The following IL31RA variants were observed in gnomAD, a reference collection of about 807,000 sequenced individuals.
IL31RA encodes the protein interleukin 31 receptor A.
A neutral mutation model predicts 83.7 loss-of-function variants in IL31RA; 66 were observed. The ratio of observed to expected loss-of-function variants is 0.79; its 90% CI spans 0.65 to 0.97. The LOEUF (loss-of-function observed/expected upper bound fraction) is 0.97, where lower values mean the gene tolerates loss of function less well. IL31RA is among the 50% of genes least tolerant of loss of function. IL31RA has a pLI of 0.00. For synonymous variants in IL31RA, 325 were observed against 329.0 expected, an observed-to-expected ratio of 0.99 and a Z score of 0.13; for missense variants, 798 against 919.4, an observed-to-expected ratio of 0.87 and a Z score of 1.71.
At chr5:55,896,902 T>C (rs1371043098) in intron 7 of IL31RA, among the ~76,000 whole-genome samples, 1 of 86,152 alleles carries the variant, frequency 1.2e-5, no homozygotes, top group Non-Finnish European at 2.3e-5. Context: ...CTGCAGCCTT[T>C]AACTCCTGGG....
intron 6 of IL31RA, 42 bp downstream of exon 6, chr5:55,890,177 T>C (rs768994940): frequency 1.9e-6 from 3 of 1,600,662 alleles, no homozygotes; most frequent in Admixed American, 1.7e-5. Context: ...TGCTCTGGTG[T>C]AGGGCTGCTT....
chr5:55,863,417 C>A (rs6880634), intron 2 of IL31RA, among the ~76,000 whole-genome samples: 8,996 of 152,254 alleles, frequency 0.059, 570 homozygotes, highest in African/African-American at 0.16. Context: ...TAAGCAGGGG[C>A]TCAGGCTGGT....
Position 55,883,096 on chromosome 5 carries a change from A to C in IL31RA, c.507A>C (p.Lys169Asn). The stretch of plus-strand genomic sequence containing the variant: ...GTGTGAAACCAGTTTTGGGCATCAA[A>C]CGAATGATTCAAATTGAATGGATAA... ...IFRVKPVLGI[K>N]RMIQIEWIKP... is the part of the protein sequence containing the mutation. The change falls in exon 5 of 15, where the codon AAA (lysine) becomes AAC (asparagine). Residue 169 changes from lysine (K) to asparagine (N), a missense_variant. Physicochemically the swap from Lys to Asn is moderately conservative, Grantham distance 94. Coordinates refer to ENST00000652347, the MANE Select transcript of IL31RA (RefSeq NM_139017.7). 6.2e-7 allele frequency: 1 copy of C among 1,614,090 alleles called. No individual in the cohort carries two copies. The highest frequency in any genetic ancestry group is 8.5e-7 in the Non-Finnish European group (1 of 1,179,956).
At chr5:55,865,029 C>T (rs1046451062) in intron 2 of IL31RA, among the ~76,000 whole-genome samples, 1 of 152,188 alleles carries the variant, frequency 6.6e-6, no homozygotes, top group Non-Finnish European at 1.5e-5. Context: ...CCTTGGTTCA[C>T]CTCTTGTAGG....
the IL31RA span, among the ~76,000 whole-genome samples, chr5:55,840,744 T>C: frequency 6.6e-6 from 1 of 152,242 alleles, no homozygotes; most frequent in Non-Finnish European, 1.5e-5. Context: ...AGGATTCAGC[T>C]CAAATGTGTA....
At chr5:55,840,599 G>C in the IL31RA span, among the ~76,000 whole-genome samples, 3 of 152,192 alleles carry the variant, frequency 2.0e-5, no homozygotes. Flanking sequence ...GATGTAGTAG[G>C]CATTTTGAAG....
intron 7 of IL31RA, among the ~76,000 whole-genome samples, chr5:55,897,427 G>T (rs1183803550): frequency 6.6e-6 from 1 of 152,082 alleles, no homozygotes; most frequent in Non-Finnish European, 1.5e-5. Context: ...TGGAGGAAAC[G>T]ATCACTGACC....
Position 55,900,453 on chromosome 5 carries a change from C to T in IL31RA, c.1069+321C>T, listed in dbSNP as rs545463922. Among the ~76,000 whole-genome samples, 694 of 152,284 alleles carry T rather than the reference C, an allele frequency of 4.6e-3. 3 individuals are homozygous for T. The highest frequency in any genetic ancestry group is 0.016 in the African/African-American group (666 of 41,524). On this transcript the variant is annotated intron_variant, in intron 8 of 14. Coordinates refer to ENST00000652347, the MANE Select transcript of IL31RA (RefSeq NM_139017.7). ...GTAAGCTGGGTCAAGTCCTATGAAA[C>T]TGTCCTATTTCTCACATTTGTCCTC...
intron 12 of IL31RA, among the ~76,000 whole-genome samples, chr5:55,913,044 A>C (rs1306261254): frequency 6.6e-6 from 1 of 152,194 alleles, no homozygotes; most frequent in Non-Finnish European, 1.5e-5. Context: ...GAATGCTGCC[A>C]GGAAGACACC....
intron 3 of IL31RA, among the ~76,000 whole-genome samples, chr5:55,870,651 C>G (rs922008207): frequency 2.0e-5 from 3 of 152,218 alleles, no homozygotes; most frequent in Non-Finnish European, 4.4e-5. Flanking sequence ...CCCAGCTCCC[C>G]TTGATGGCCT....
intron 11 of IL31RA, 144 bp from the exon 12 acceptor site, chr5:55,910,388 T>C: frequency 1.2e-6 from 1 of 834,832 alleles, no homozygotes; most frequent in Non-Finnish European, 2.0e-6. Flanking sequence ...CATCTTGATA[T>C]TTAAGCAGGA....
At position 55,920,436 on chromosome 5, in the gene IL31RA, C is replaced by T. The variant is rs1580756540; in HGVS notation, c.*3316C>T. On this transcript the variant is annotated 3_prime_UTR_variant, in exon 15 of 15. Transcript: ENST00000652347. ...TAATGGTTGAAAACAAAAAGAATAA[C>T]ATTTTGTGACAAGAAAAGTCCAAGA... 6.6e-6 allele frequency among the ~76,000 whole-genome samples: 1 copy of T among 152,342 alleles called. No individual in the cohort carries two copies. The highest frequency in any genetic ancestry group is 1.5e-5 in the Non-Finnish European group (1 of 68,024).
intron 1 of IL31RA, among the ~76,000 whole-genome samples, chr5:55,856,626 A>G (rs1212736812): frequency 1.3e-5 from 2 of 152,214 alleles, no homozygotes; most frequent in Admixed American, 1.3e-4. Flanking sequence ...CTTCCGTTAA[A>G]TTAGTAATCA....
intron 8 of IL31RA, among the ~76,000 whole-genome samples, chr5:55,900,594 T>C (rs1214539445): frequency 6.6e-6 from 1 of 152,218 alleles, no homozygotes; most frequent in Admixed American, 6.5e-5. Flanking sequence ...CATTTGTCAC[T>C]ATGGAAAAAT....
At chr5:55,905,977 G>A (rs1561118202) in intron 8 of IL31RA, 129 bp from the exon 9 acceptor site, 1 of 883,556 alleles carries the variant, frequency 1.1e-6, no homozygotes, top group Non-Finnish European at 1.9e-6. Flanking sequence ...GCCCCATCCG[G>A]GGAGGCTGCA....
chr5:55,919,052 T>G lies in IL31RA; in HGVS notation c.*1932T>G, dbSNP rs962935405. Among the ~76,000 whole-genome samples the G allele has an allele frequency of 7.2e-5, 11 of 152,186 alleles. No individual in the cohort carries two copies. The highest frequency in any genetic ancestry group is 5.9e-5 in the Non-Finnish European group (4 of 68,040). ...TCTCCACCCCTTCTATGGTGTGGGC[T>G]CTTCTGTGAGCCCACTGTCCCCAGA... On this transcript the variant is annotated 3_prime_UTR_variant, in exon 15 of 15. Transcript: ENST00000652347.
intron 3 of IL31RA, among the ~76,000 whole-genome samples, chr5:55,869,227 A>G (rs1005536878): frequency 2.6e-5 from 4 of 152,156 alleles, no homozygotes; most frequent in Non-Finnish European, 5.9e-5. Flanking sequence ...AAAACTGTTC[A>G]TTCTTTCTGG....
chr5:55,912,588 G>A (rs1396284352), intron 12 of IL31RA, among the ~76,000 whole-genome samples: 1 of 152,200 alleles, frequency 6.6e-6, no homozygotes, highest in Non-Finnish European at 1.5e-5. Flanking sequence ...CTCAAGGCCA[G>A]GAGTTCAAGA....
the IL31RA span, among the ~76,000 whole-genome samples, chr5:55,840,753 T>C: frequency 6.6e-6 from 1 of 152,264 alleles, no homozygotes; most frequent in Non-Finnish European, 1.5e-5. Flanking sequence ...CTCAAATGTG[T>C]ATTCCTTTGG....
Sources: allele counts gnomAD v4.1 joint callset (sites outside exome capture counted in the v4.1 genomes callset), GRCh38; gene constraint gnomAD v4.1.1; transcripts MANE v1.5; gene names NCBI Gene and HGNC (gene_info 2026-07-23, HGNC 2026-07-21).